The following AFAP1 variants were observed in gnomAD, a reference collection of about 807,000 sequenced individuals.
AFAP1 encodes actin filament associated protein 1, also known as actin filament-associated protein 1.
A neutral mutation model predicts 93.9 loss-of-function variants in AFAP1; 75 were observed. The observed-to-expected ratio is 0.80, with a 90% CI of 0.66 to 0.97. The LOEUF (loss-of-function observed/expected upper bound fraction) is 0.97. Ranked by LOEUF, AFAP1 falls within the 50% of genes least tolerant of loss-of-function variation. AFAP1 has a pLI of 0.00. For missense variants in AFAP1, 1,201 were observed against 1,050.8 expected (o/e 1.14, Z -1.98); for synonymous variants, 517 against 430.7 (o/e 1.20, Z -2.48).
chr4:7,873,123 A>C (rs1396794038), intron 1 of AFAP1, among the ~76,000 whole-genome samples: 2 of 149,226 alleles, frequency 1.3e-5, no homozygotes, highest in African/African-American at 4.9e-5. Flanking sequence ...TGTGCCTGTA[A>C]TCCCAGCTAC....
chr4:7,900,387 T>C (rs967407750), intron 1 of AFAP1, among the ~76,000 whole-genome samples: 4 of 152,140 alleles, frequency 2.6e-5, no homozygotes, highest in African/African-American at 9.7e-5. Context: ...ACAGCTAAAA[T>C]GGCCATTCTT....
At chr4:7,779,358 C>A (rs572206633) in intron 13 of AFAP1, among the ~76,000 whole-genome samples, 1 of 152,160 alleles carries the variant, frequency 6.6e-6, no homozygotes, top group Non-Finnish European at 1.5e-5. Context: ...TTCTTATCGC[C>A]GACGGAGTCC....
chr4:7,817,608 GACAAA>G lies in AFAP1; in HGVS notation c.822+1463_822+1467del, dbSNP rs199820041. 8.2e-3 allele frequency among the ~76,000 whole-genome samples: 1,206 copies of G among 147,172 alleles called. 15 individuals are homozygous for G. The highest frequency in any genetic ancestry group is 0.029 in the African/African-American group (1,147 of 39,054). Reference sequence around the variant, plus strand: ...CTCCATCTCAGAAAACAAACAAAAAGACAAAACAAAAGGACAAAACAACTAATGGG... The same window carrying G: ...CTCCATCTCAGAAAACAAACAAAAAGACAAAAGGACAAAACAACTAATGGG... On this transcript the variant is annotated intron_variant, in intron 7 of 17. Transcript: ENST00000420658.
intron 17 of AFAP1, among the ~76,000 whole-genome samples, chr4:7,767,390 A>T (rs1448423899): frequency 1.3e-5 from 2 of 152,206 alleles, no homozygotes; most frequent in Admixed American, 6.5e-5. Flanking sequence ...TTGATGATAA[A>T]GAAACTAAAT....
chr4:7,858,785 C>A (rs28544299), intron 3 of AFAP1, among the ~76,000 whole-genome samples: 46,844 of 152,066 alleles, frequency 0.31, 8,928 homozygotes, highest in Non-Finnish European at 0.44. Context: ...ACAAGGGCAT[C>A]GCATCAGAAC....
intron 13 of AFAP1, among the ~76,000 whole-genome samples, chr4:7,780,194 C>A (rs1257071157): frequency 6.6e-6 from 1 of 152,212 alleles, no homozygotes; most frequent in Non-Finnish European, 1.5e-5. Flanking sequence ...GGCTCCCCTA[C>A]CCCCGGTCCC....
At position 7,800,669 on chromosome 4, in the gene AFAP1, G is replaced by A. The variant is rs1413869848; in HGVS notation, c.1055-16C>T. ...TTCAGATAGCCTGCGGAGACACAAG[G>A]CCACAGGTCAGCCGCCTCGGACAAG... is the stretch of plus-strand genomic sequence containing the variant. On this transcript the variant is annotated splice_polypyrimidine_tract_variant and intron_variant, in intron 9 of 17. Coordinates refer to ENST00000420658, the MANE Select transcript of AFAP1 (RefSeq NM_001134647.2). 1.2e-6 allele frequency: 2 copies of A among 1,614,032 alleles called. No individual in the cohort carries two copies. Among genetic ancestry groups the A allele is most frequent in the Non-Finnish European group, 1.7e-6 (2 of 1,179,936 alleles).
rs937902199 is a variant in AFAP1, at chr4:7,781,481, C to T, written c.1677G>A (p.Leu559=). The T allele has an allele frequency of 3.2e-6, 5 of 1,552,068 alleles. No individual in the cohort carries two copies. The African/African-American group carries it at 4.1e-5, about 13-fold the overall frequency. Reference sequence around the variant, plus strand: ...GGTTAGAGGACAGCTTGTCAGCAGACAGCCTAGAGGCCTTTCTGTCAGCAG... The same window carrying T: ...GGTTAGAGGACAGCTTGTCAGCAGATAGCCTAGAGGCCTTTCTGTCAGCAG... The part of the protein sequence containing the change: ...YSPADRKASR[L]SADKLSSNHY... The change falls in exon 13 of 18, where the codon CTG becomes CTA. Residue 559 remains leucine, a synonymous_variant. Transcript: ENST00000420658.
At chr4:7,918,498 C>G (rs1287370793) in intron 1 of AFAP1, among the ~76,000 whole-genome samples, 1 of 108,020 alleles carries the variant, frequency 9.3e-6, no homozygotes, top group Non-Finnish European at 1.9e-5. Flanking sequence ...CCAGGTCACC[C>G]GCAAACAGGG....
At chr4:7,935,755 G>A (rs190111618) in intron 1 of AFAP1, among the ~76,000 whole-genome samples, 2 of 152,276 alleles carry the variant, frequency 1.3e-5, no homozygotes, top group East Asian at 1.9e-4. Context: ...GTGATAGAGC[G>A]AATTAAGTTC....
intron 6 of AFAP1, among the ~76,000 whole-genome samples, chr4:7,833,219 C>T (rs1359490185): frequency 6.6e-6 from 1 of 152,176 alleles, no homozygotes; most frequent in Non-Finnish European, 1.5e-5. Context: ...AGACAACCCA[C>T]AGAGTGAGAG....
chr4:7,859,912 T>G (rs149849274), intron 3 of AFAP1, among the ~76,000 whole-genome samples: 234 of 152,076 alleles, frequency 1.5e-3, no homozygotes, highest in African/African-American at 5.4e-3. Flanking sequence ...ATAGCCATGG[T>G]GGGAGGACTG....
chr4:7,783,506 C>T (rs137987390), intron 12 of AFAP1, among the ~76,000 whole-genome samples: 46 of 152,162 alleles, frequency 3.0e-4, no homozygotes, highest in African/African-American at 1.1e-3. Flanking sequence ...GTAACAGAGC[C>T]GAACACACAG....
Position 7,772,817 on chromosome 4 carries a change from C to T in AFAP1, c.2253+3G>A, listed in dbSNP as rs767993259. 2.4e-5 allele frequency: 38 copies of T among 1,613,368 alleles called. No individual in the cohort carries two copies. Among genetic ancestry groups the T allele is most frequent in the Non-Finnish European group, 3.1e-5 (36 of 1,179,760 alleles). ...CTCCGAGGTGAGCCAGAAGGACACA[C>T]ACCTGTGGACTCGATGTCCCTGACT... On this transcript the variant is annotated splice_donor_region_variant and intron_variant, in intron 16 of 17. Transcript: ENST00000420658.
At chr4:7,907,258 G>A (rs1206549265) in intron 1 of AFAP1, among the ~76,000 whole-genome samples, 1 of 152,130 alleles carries the variant, frequency 6.6e-6, no homozygotes, top group East Asian at 1.9e-4. Flanking sequence ...CCCCTCAGCT[G>A]ACAGCTAAAC....
At chr4:7,914,043 C>G (rs1425341121) in intron 1 of AFAP1, among the ~76,000 whole-genome samples, 1 of 151,712 alleles carries the variant, frequency 6.6e-6, no homozygotes, top group Non-Finnish European at 1.5e-5. Context: ...CTTCAAGTAT[C>G]TGGAACTATA....
chr4:7,814,748 G>A (rs1159968117), intron 8 of AFAP1, among the ~76,000 whole-genome samples: 1 of 152,236 alleles, frequency 6.6e-6, no homozygotes, highest in East Asian at 1.9e-4. Flanking sequence ...AGGGCCTCGG[G>A]TAGAGGCAGA....
At chr4:7,792,695 C>G (rs960725543) in intron 11 of AFAP1, among the ~76,000 whole-genome samples, 2 of 152,348 alleles carry the variant, frequency 1.3e-5, no homozygotes, top group Middle Eastern at 3.4e-3. Flanking sequence ...CCTGCATGCT[C>G]TCTGTGGCCT....
rs1553845921 is a variant in AFAP1, at chr4:7,847,799, G to GGT, written c.335-4450_335-4449insAC. On this transcript the variant is annotated intron_variant, in intron 4 of 17. Transcript: ENST00000420658. ...GTTCTATTTCAGGGGTACTCGGGGT[G>GGT]GGGCATTGATTAGATACCATCAGGC... Among the ~76,000 whole-genome samples, 4 of 149,086 alleles carry GGT rather than the reference G, an allele frequency of 2.7e-5. No individual in the cohort carries two copies. The South Asian group carries it at 8.7e-4, about 32-fold the overall frequency.
Sources: gnomAD v4.1 joint callset for allele counts (sites outside exome capture counted in the v4.1 genomes callset) on GRCh38, gnomAD v4.1.1 for gene constraint, MANE v1.5 for transcripts, NCBI Gene and HGNC (gene_info 2026-07-23, HGNC 2026-07-21) for gene names.